The following MYH13 variants were observed in gnomAD, a reference collection of about 807,000 sequenced individuals.
MYH13 encodes myosin heavy chain 13.
Under a neutral mutation model 232.1 loss-of-function variants are expected in MYH13, and 177 were observed. The ratio of observed to expected loss-of-function variants is 0.76; its 90% confidence interval spans 0.67 to 0.86. The LOEUF (loss-of-function observed/expected upper bound fraction) is 0.86, where lower values mean the gene tolerates loss of function less well. Among genes scored for constraint, MYH13 ranks in the 40% least tolerant of loss-of-function variants. The pLI is 0.00. For missense variants in MYH13, 2,246 were observed against 2,405.9 expected (o/e 0.93, Z 1.39); for synonymous variants, 884 against 923.5 (o/e 0.96, Z 0.78).
chr17:10,358,157 CCT>C (rs1315808955), intron 7 of MYH13, among the ~76,000 whole-genome samples: 2 of 152,138 alleles, frequency 1.3e-5, no homozygotes, highest in African/African-American at 4.8e-5. Flanking sequence ...ATAACATGCA[CCT>C]CTGTTATTGC....
chr17:10,328,957 C>T (rs141349166), intron 21 of MYH13, among the ~76,000 whole-genome samples: 4 of 152,296 alleles, frequency 2.6e-5, no homozygotes, highest in African/African-American at 7.2e-5. Context: ...GGGTTACAAG[C>T]GTGAGCCACC....
Position 10,344,114 on chromosome 17 carries a change from A to G in MYH13, c.1585-5T>C. ...GATGGAGAAGATGCCCATAGGCTGGAAAGAGGATAACAGAGTCTACATATA... is the reference window on the plus strand; with the variant it reads ...GATGGAGAAGATGCCCATAGGCTGGGAAGAGGATAACAGAGTCTACATATA... On this transcript the variant is annotated splice_region_variant and splice_polypyrimidine_tract_variant and intron_variant, in intron 15 of 40. Transcript: ENST00000252172. The G allele has an allele frequency of 6.2e-7, 1 of 1,613,860 alleles. No individual in the cohort carries two copies. Among genetic ancestry groups the G allele is most frequent in the Non-Finnish European group, 8.5e-7 (1 of 1,179,784 alleles).
chr17:10,312,355 A>C (rs1906536935), intron 31 of MYH13, among the ~76,000 whole-genome samples: 1 of 152,204 alleles, frequency 6.6e-6, no homozygotes, highest in Non-Finnish European at 1.5e-5. Flanking sequence ...AGTCAAGAAG[A>C]CACCTCAAGT....
rs1202695218 is a variant in MYH13 at position 10,330,490 on chromosome 17, C to T, written c.2332G>A (p.Glu778Lys). 4 of 1,611,768 alleles carry T rather than the reference C, an allele frequency of 2.5e-6. No individual in the cohort carries two copies. The highest frequency in any genetic ancestry group is 1.9e-4 in the Middle Eastern group (1 of 5,178). ...FFKAGLLGLL[E>K]EMRDEKLVTL... ...ACCAGCTTCTCATCTCTCATCTCCTCCAAAAGTCCCAGGAGCCCAGCTTTG... is the reference window on the plus strand; with the variant it reads ...ACCAGCTTCTCATCTCTCATCTCCTTCAAAAGTCCCAGGAGCCCAGCTTTG... Residue 778 changes from glutamate (E) to lysine (K), a missense_variant, in exon 21 of 41, where the codon GAG becomes AAG. Coordinates refer to ENST00000252172, the MANE Select transcript of MYH13 (RefSeq NM_003802.3).
At chr17:10,354,852 C>G (rs1453721949) in intron 10 of MYH13, 43 bp downstream of exon 10, 1 of 1,587,776 alleles carries the variant, frequency 6.3e-7, no homozygotes, top group African/African-American at 1.4e-5. Context: ...TTTTTCCCAA[C>G]GTCACCGATT....
chr17:10,301,697 GC>G lies in MYH13; in HGVS notation c.5673del (p.Glu1891AspfsTer17). 8.1e-6 allele frequency: 13 copies of G among 1,613,360 alleles called. No homozygotes were observed. Among genetic ancestry groups the G allele is most frequent in the Non-Finnish European group, 1.1e-5 (13 of 1,179,940 alleles). ...CATCTGGACAGCTGCGTGTTGGCCT[GC>G]TCCTCCTGCACAGGAGACAGAGGGG... ...SYKRQAEEAE[E>X]QANTQLSRCR... On this transcript the variant is annotated frameshift_variant, in exon 40 of 41. Transcript: ENST00000252172. LOFTEE classifies it high-confidence loss of function.
rs756858193 is a variant in MYH13, at chr17:10,362,264, C to G, written c.359G>C (p.Gly120Ala). Residue 120 changes from glycine (G) to alanine (A), a missense_variant, in exon 5 of 41, where the codon GGC (glycine) becomes GCC (alanine). Physicochemically the swap from Gly to Ala is moderately conservative, Grantham distance 60. Coordinates refer to ENST00000252172, the MANE Select transcript of MYH13 (RefSeq NM_003802.3). Reference sequence around the variant, plus strand: ...GGGGTTGACGGTGACACAGAAGAGGCCTGAGTAGGTCTGGGAAGATCAGAA... The same window carrying G: ...GGGGTTGACGGTGACACAGAAGAGGGCTGAGTAGGTCTGGGAAGATCAGAA... Reference protein sequence around the residue: ...YAAWMIYTYSGLFCVTVNPYK... With the variant: ...YAAWMIYTYSALFCVTVNPYK... 2 of 1,613,700 alleles carry G rather than the reference C, an allele frequency of 1.2e-6. No homozygotes were observed. Among genetic ancestry groups the G allele is most frequent in the African/African-American group, 1.3e-5 (1 of 75,010 alleles).
At position 10,309,755 on chromosome 17, in the gene MYH13, G is replaced by A; in HGVS notation, c.4732C>T (p.Arg1578Cys). Residue 1578 changes from arginine to cysteine, a missense_variant, in exon 34 of 41, where the codon CGC becomes TGC. By Grantham distance (180) the Arg-to-Cys change is radical (BLOSUM62 -3). Coordinates refer to ENST00000252172, the MANE Select transcript of MYH13 (RefSeq NM_003802.3). Reference protein sequence around the residue: ...ELSQVKSELDRKVIEKDEEIE... With the variant: ...ELSQVKSELDCKVIEKDEEIE... ...TCTTCATCCTTCTCAATGACCTTGC[G>A]GTCTAGCTCGGATTTCACCTGGCTC... The A allele has an allele frequency of 1.2e-6, 2 of 1,600,724 alleles. No homozygotes were observed. The highest frequency in any genetic ancestry group is 8.5e-7 in the Non-Finnish European group (1 of 1,173,480).
chr17:10,320,890 T>C (rs1195684935), intron 24 of MYH13, among the ~76,000 whole-genome samples: 1 of 152,198 alleles, frequency 6.6e-6, no homozygotes, highest in Admixed American at 6.5e-5. Flanking sequence ...GCTAACATTA[T>C]GCAACCATGG....
At chr17:10,314,028 A>G (rs1415474898) in intron 29 of MYH13, among the ~76,000 whole-genome samples, 1 of 152,214 alleles carries the variant, frequency 6.6e-6, no homozygotes, top group African/African-American at 2.4e-5. Context: ...GCAACAGTTT[A>G]GCTCCGACTA....
At chr17:10,325,553 C>T (rs940604763) in intron 22 of MYH13, among the ~76,000 whole-genome samples, 1 of 152,186 alleles carries the variant, frequency 6.6e-6, no homozygotes, top group Non-Finnish European at 1.5e-5. Flanking sequence ...ATTAAAAACA[C>T]CCAAGAATTC....
chr17:10,351,006 G>A (rs991038543), intron 11 of MYH13, among the ~76,000 whole-genome samples: 3 of 151,892 alleles, frequency 2.0e-5, no homozygotes, highest in Non-Finnish European at 2.9e-5. Flanking sequence ...CAGATTACGA[G>A]GTCAGGAGTT....
intron 7 of MYH13, 145 bp downstream of exon 7, chr17:10,359,815 C>T (rs1296346454): frequency 1.4e-6 from 1 of 696,710 alleles, no homozygotes; most frequent in African/African-American, 1.8e-5. Flanking sequence ...CAGACACGTT[C>T]TGTGTGAGGA....
intron 33 of MYH13, 46 bp from the exon 34 acceptor site, chr17:10,309,876 T>G: frequency 1.4e-6 from 2 of 1,459,834 alleles, no homozygotes; most frequent in Non-Finnish European, 1.8e-6. Context: ...GACATCCACC[T>G]TCATGAATGG....
Position 10,324,248 on chromosome 17 carries a change from A to G in MYH13, c.2708T>C (p.Met903Thr). The G allele has an allele frequency of 1.9e-6, 3 of 1,613,416 alleles. No homozygotes were observed. The highest frequency in any genetic ancestry group is 1.7e-5 in the Admixed American group (1 of 59,912). ...LQVQSETENL[M>T]DAEERCEGLI... ...TCCTTCACACCGTTCCTCAGCGTCCATCAGATTTTCTGTTTCCTGAAAGAA... is the reference window on the plus strand; with the variant it reads ...TCCTTCACACCGTTCCTCAGCGTCCGTCAGATTTTCTGTTTCCTGAAAGAA... The change falls in exon 23 of 41, where the codon ATG becomes ACG. Residue 903 changes from methionine (M) to threonine (T), a missense_variant. Coordinates refer to ENST00000252172, the MANE Select transcript of MYH13 (RefSeq NM_003802.3).
intron 12 of MYH13, among the ~76,000 whole-genome samples, chr17:10,348,802 C>T (rs2071687435): frequency 1.3e-5 from 2 of 152,096 alleles, no homozygotes; most frequent in Non-Finnish European, 1.5e-5. Context: ...CTTCCGTGGC[C>T]TGCCATATAT....
chr17:10,318,805 A>C lies in MYH13; in HGVS notation c.3723T>G (p.Ala1241=), dbSNP rs754627015. The change falls in exon 27 of 41, where the codon GCT becomes GCG. Residue 1241 remains alanine, a synonymous_variant. Coordinates refer to ENST00000252172, the MANE Select transcript of MYH13 (RefSeq NM_003802.3). ...EIDDMASNIE[A]LSKSKSNIER... is the part of the protein sequence containing the mutation. Reference sequence around the variant, plus strand: ...AGTCAGGTACCTTTGACTTGGAGAGAGCCTCGATGTTGCTGGCCATGTCGT... The same window carrying C: ...AGTCAGGTACCTTTGACTTGGAGAGCGCCTCGATGTTGCTGGCCATGTCGT... 1 of 1,613,984 alleles carries C rather than the reference A, an allele frequency of 6.2e-7. No homozygotes were observed. Among genetic ancestry groups the C allele is most frequent in the South Asian group, 1.1e-5 (1 of 91,076 alleles).
intron 37 of MYH13, among the ~76,000 whole-genome samples, chr17:10,305,265 T>G (rs1033231725): frequency 6.6e-6 from 1 of 152,062 alleles, no homozygotes; most frequent in Non-Finnish European, 1.5e-5. Flanking sequence ...TGGCAGAAGG[T>G]GTCATGAGAT....
rs1291001419 is a variant in MYH13, at chr17:10,354,999, G to T, written c.803-6C>A. On this transcript the variant is annotated splice_region_variant and splice_polypyrimidine_tract_variant and intron_variant, in intron 9 of 40. Coordinates refer to ENST00000252172, the MANE Select transcript of MYH13 (RefSeq NM_003802.3). ...TCTGGATTTTTCTAACAGATCTAAG[G>T]TAACAAAAATAACGTGATTTCAGGC... The T allele has an allele frequency of 3.7e-6, 6 of 1,609,142 alleles. No individual in the cohort carries two copies. Among genetic ancestry groups the T allele is most frequent in the Non-Finnish European group, 5.1e-6 (6 of 1,175,740 alleles).
Sources: gnomAD v4.1 joint callset for allele counts (sites outside exome capture counted in the v4.1 genomes callset) on GRCh38, gnomAD v4.1.1 for gene constraint, MANE v1.5 for transcripts, NCBI Gene and HGNC (gene_info 2026-07-23, HGNC 2026-07-21) for gene names.